ERICH3: variants seen among roughly 807,000 people sequenced by gnomAD.
The protein encoded by ERICH3 is glutamate-rich protein 3.
Under a neutral mutation model 131.1 loss-of-function variants are expected in ERICH3, and 126 were observed. The observed-to-expected ratio is 0.96, with a 90% CI of 0.83 to 1.11. ERICH3 has a LOEUF of 1.11. Among genes scored for constraint, ERICH3 ranks in the 50% most tolerant of loss-of-function variants. The probability of loss-of-function intolerance (pLI) is 0.00; values close to 1 mark genes in which losing one functional copy is unlikely to be tolerated. For missense variants in ERICH3, 2,050 were observed against 1,810.7 expected, an observed-to-expected ratio of 1.13 and a Z score of -2.40; for synonymous variants, 695 against 644.6, an observed-to-expected ratio of 1.08 and a Z score of -1.18.
intron 13 of ERICH3, 47 bp downstream of exon 13, chr1:74,576,848 G>C: frequency 6.6e-7 from 1 of 1,517,742 alleles, no homozygotes; most frequent in Middle Eastern, 1.8e-4. Context: ...ATGAGTCATG[G>C]TCTGTTGGAT....
At chr1:74,608,368 A>C (rs2100590994) in intron 9 of ERICH3, among the ~76,000 whole-genome samples, 1 of 152,056 alleles carries the variant, frequency 6.6e-6, no homozygotes, top group South Asian at 2.1e-4. Flanking sequence ...CATGTGATAC[A>C]ACTACCAGAG....
At chr1:74,657,694 G>C (rs1034504948) in intron 1 of ERICH3, among the ~76,000 whole-genome samples, 1 of 152,118 alleles carries the variant, frequency 6.6e-6, no homozygotes, top group Admixed American at 6.6e-5. Context: ...TGTGCTGACT[G>C]CTGGCAAGAC....
chr1:74,600,026 T>A (rs1557677582), intron 10 of ERICH3, 95 bp from the exon 11 acceptor site: 1 of 851,654 alleles, frequency 1.2e-6, no homozygotes, highest in Non-Finnish European at 1.8e-6. Context: ...CATTATCCTC[T>A]CTTCTCTGAG....
At chr1:74,579,605 G>T in intron 12 of ERICH3, 1 of 985,362 alleles carries the variant, frequency 1.0e-6, no homozygotes, top group Non-Finnish European at 1.2e-6. Context: ...AACCAGAAAA[G>T]GCTTCACTTG....
At chr1:74,646,304 G>T (rs1646482633) in intron 3 of ERICH3, among the ~76,000 whole-genome samples, 1 of 152,024 alleles carries the variant, frequency 6.6e-6, no homozygotes, top group Non-Finnish European at 1.5e-5. Context: ...TGGAAATTGA[G>T]GTACAGATGG....
At chr1:74,633,586 C>A (rs1364065646) in intron 6 of ERICH3, among the ~76,000 whole-genome samples, 17 of 151,900 alleles carry the variant, frequency 1.1e-4, no homozygotes. Flanking sequence ...AGTTCGACAG[C>A]ATTTTGGACA....
intron 3 of ERICH3, among the ~76,000 whole-genome samples, chr1:74,643,502 G>T (rs1172618641): frequency 6.6e-6 from 1 of 151,956 alleles, no homozygotes; most frequent in African/African-American, 2.4e-5. Flanking sequence ...CCATATGATG[G>T]AATAAAATAT....
At chr1:74,649,341 A>T (rs370178122) in intron 1 of ERICH3, 26 bp from the exon 2 acceptor site, 23 of 1,558,930 alleles carry the variant, frequency 1.5e-5, no homozygotes, top group African/African-American at 4.1e-5. Context: ...AAAACCAATA[A>T]GCTTTTACAA....
Position 74,606,773 on chromosome 1 carries a change from T to C in ERICH3, c.1317A>G (p.Ile439Met), listed in dbSNP as rs769940513. The C allele has an allele frequency of 6.2e-7, 1 of 1,613,478 alleles. No individual in the cohort carries two copies. The highest frequency in any genetic ancestry group is 8.5e-7 in the Non-Finnish European group (1 of 1,179,626). ...GKVRKEREYV[I>M]PKRNEIKENK... ...TCTCCTTGATCTCATTTCTTTTTGG[T>C]ATCACATACTCTCTCTCTTTCCTCA... is the stretch of plus-strand genomic sequence containing the variant. Residue 439 changes from isoleucine (I) to methionine (M), a missense_variant, in exon 10 of 15, where the codon ATA (isoleucine) becomes ATG (methionine). Coordinates refer to ENST00000326665, the MANE Select transcript of ERICH3 (RefSeq NM_001002912.5).
chr1:74,654,759 G>A (rs1394991008), intron 1 of ERICH3, among the ~76,000 whole-genome samples: 1 of 152,050 alleles, frequency 6.6e-6, no homozygotes, highest in East Asian at 1.9e-4. Flanking sequence ...GTCCATAATA[G>A]AAGATATGAT....
chr1:74,638,496 G>T (rs1409167090), intron 5 of ERICH3, among the ~76,000 whole-genome samples: 3 of 152,224 alleles, frequency 2.0e-5, no homozygotes, highest in African/African-American at 7.2e-5. Flanking sequence ...AGAGAAGAAA[G>T]TGGATAAGCA....
Position 74,571,526 on chromosome 1 carries a change from C to T in ERICH3, c.4184G>A (p.Gly1395Glu), listed in dbSNP as rs1646945740. Residue 1395 changes from glycine (G) to glutamate (E), a missense_variant, in exon 14 of 15, where the codon GGA becomes GAA. Transcript: ENST00000326665. ...ETWHQQDELV[G>E]KTAAAGKVVV... ...CACCTTCCCTGCAGCTGCTGTTTTTCCTACTAACTCATCCTGTTGGTGCCA... is the reference window on the plus strand; with the variant it reads ...CACCTTCCCTGCAGCTGCTGTTTTTTCTACTAACTCATCCTGTTGGTGCCA... 1.2e-6 allele frequency: 2 copies of T among 1,614,020 alleles called. No individual in the cohort carries two copies. The highest frequency in any genetic ancestry group is 3.3e-5 in the Admixed American group (2 of 60,002).
Position 74,568,868 on chromosome 1 carries a change from G to A in ERICH3, c.*1590C>T, listed in dbSNP as rs1434787344. The A allele has an allele frequency of 6.6e-6, 1 of 152,244 alleles. No homozygotes were observed. The highest frequency in any genetic ancestry group is 1.9e-4 in the East Asian group (1 of 5,184). The allele number at this position is 152,244 out of a possible 1,614,324, so 9.4% of individuals were successfully genotyped here. The stretch of plus-strand genomic sequence containing the variant: ...ACATCAGTGTACATCAGTATTAACT[G>A]CAGGGCTTGTTAAGCTATGGATTAC... On this transcript the variant is annotated 3_prime_UTR_variant, in exon 15 of 15. Transcript: ENST00000326665.
At chr1:74,648,573 C>G (rs1192460403) in intron 2 of ERICH3, among the ~76,000 whole-genome samples, 1 of 152,100 alleles carries the variant, frequency 6.6e-6, no homozygotes, top group Non-Finnish European at 1.5e-5. Flanking sequence ...CTTTCAACAC[C>G]ATGGCAACAA....
At chr1:74,648,845 G>T (rs1646507153) in intron 2 of ERICH3, among the ~76,000 whole-genome samples, 1 of 152,072 alleles carries the variant, frequency 6.6e-6, no homozygotes, top group Non-Finnish European at 1.5e-5. Flanking sequence ...CATATTCTGT[G>T]AATATCAAAA....
chr1:74,598,694 A>T (rs1191270178), intron 11 of ERICH3, among the ~76,000 whole-genome samples: 1 of 151,894 alleles, frequency 6.6e-6, no homozygotes, highest in Non-Finnish European at 1.5e-5. Context: ...AGGGTAATAA[A>T]AACTAAAACA....
intron 9 of ERICH3, among the ~76,000 whole-genome samples, chr1:74,612,357 T>A (rs778892965): frequency 3.3e-5 from 5 of 152,166 alleles, no homozygotes; most frequent in Non-Finnish European, 5.9e-5. Context: ...GTTCTTAAAG[T>A]GAGAAGACAG....
chr1:74,650,284 T>C (rs1646521085), intron 1 of ERICH3, among the ~76,000 whole-genome samples: 1 of 152,138 alleles, frequency 6.6e-6, no homozygotes, highest in Non-Finnish European at 1.5e-5. Context: ...GATAAATTGG[T>C]TTGTTGATTA....
chr1:74,598,466 G>A (rs1187596517), intron 11 of ERICH3, among the ~76,000 whole-genome samples: 6 of 151,526 alleles, frequency 4.0e-5, no homozygotes, highest in African/African-American at 1.5e-4. Context: ...ATAGATTAGA[G>A]TAATAAAAAT....
Sources: gnomAD v4.1 joint callset for allele counts (sites outside exome capture counted in the v4.1 genomes callset) on GRCh38, gnomAD v4.1.1 for gene constraint, MANE v1.5 for transcripts, NCBI Gene and HGNC (gene_info 2026-07-23, HGNC 2026-07-21) for gene names.